Variants in PTPRD observed in about 807,000 individuals in gnomAD.
The protein encoded by PTPRD is receptor-type tyrosine-protein phosphatase delta.
Under a neutral mutation model 214.5 loss-of-function variants are expected in PTPRD, and 34 were observed. The ratio of observed to expected loss-of-function variants is 0.16; its 90% CI spans 0.12 to 0.21. PTPRD has a LOEUF of 0.21. Among genes scored for constraint, PTPRD ranks in the 10% least tolerant of loss-of-function variants. The pLI, the probability that PTPRD is intolerant of heterozygous loss-of-function variation, is 1.00. For synonymous variants in PTPRD, 1,128 were observed against 845.7 expected (o/e 1.33, Z -5.79); for missense variants, 2,545 against 2,398.7 (o/e 1.06, Z -1.27).
chr9:10,535,222 T>G (rs919094169), intron 2 of PTPRD, among the ~76,000 whole-genome samples: 1 of 152,240 alleles, frequency 6.6e-6, no homozygotes. Flanking sequence ...TGCTTTAATG[T>G]TGAATACTGG....
At chr9:9,497,277 A>T (rs2096237166) in intron 8 of PTPRD, among the ~76,000 whole-genome samples, 1 of 152,186 alleles carries the variant, frequency 6.6e-6, no homozygotes. Context: ...ACCTCAATTT[A>T]AAAAATAAAG....
At chr9:9,887,880 A>G (rs780016790) in intron 5 of PTPRD, among the ~76,000 whole-genome samples, 10 of 152,144 alleles carry the variant, frequency 6.6e-5, no homozygotes, top group Non-Finnish European at 1.2e-4. Context: ...AACAAATAAG[A>G]CAAATGTGTC....
intron 12 of PTPRD, among the ~76,000 whole-genome samples, chr9:8,698,211 C>G (rs566935044): frequency 6.6e-6 from 1 of 152,314 alleles, no homozygotes; most frequent in South Asian, 2.1e-4. Flanking sequence ...TGAATGCATA[C>G]TTATGCACTG....
intron 6 of PTPRD, among the ~76,000 whole-genome samples, chr9:9,750,074 T>A (rs2476584): frequency 6.6e-6 from 1 of 152,018 alleles, no homozygotes; most frequent in Non-Finnish European, 1.5e-5. Context: ...ATATGATTAA[T>A]GTAAAGCAGT....
intron 10 of PTPRD, chr9:9,091,103 T>G: frequency 1.4e-6 from 2 of 1,388,650 alleles, no homozygotes; most frequent in Non-Finnish European, 2.0e-6. Context: ...AAGCTGTATG[T>G]GAAGCTACAT....
chr9:9,807,700 T>C (rs1487022617), intron 5 of PTPRD, among the ~76,000 whole-genome samples: 2 of 152,206 alleles, frequency 1.3e-5, no homozygotes, highest in Non-Finnish European at 2.9e-5. Context: ...CTATTTCTAC[T>C]AGTGGTATTT....
chr9:9,294,038 T>C (rs545932683), intron 9 of PTPRD, among the ~76,000 whole-genome samples: 1 of 151,736 alleles, frequency 6.6e-6, no homozygotes, highest in Non-Finnish European at 1.5e-5. Context: ...CCTGTGATAC[T>C]GCCACAGTTG....
chr9:10,446,251 A>G (rs1041306442), intron 2 of PTPRD, among the ~76,000 whole-genome samples: 1 of 152,010 alleles, frequency 6.6e-6, no homozygotes, highest in African/African-American at 2.4e-5. Context: ...TTTTAAAAAT[A>G]TGTTGAGAGG....
At chr9:9,876,166 T>C (rs539162305) in intron 5 of PTPRD, among the ~76,000 whole-genome samples, 80 of 152,214 alleles carry the variant, frequency 5.3e-4, no homozygotes, top group African/African-American at 1.9e-3. Flanking sequence ...TGAGTTCCAA[T>C]GGTGAGTCAG....
chr9:8,917,118 T>C (rs1000500641), intron 11 of PTPRD, among the ~76,000 whole-genome samples: 1 of 147,004 alleles, frequency 6.8e-6, no homozygotes, highest in East Asian at 2.1e-4. Flanking sequence ...AGATTATTTC[T>C]TCTTCTTCTT....
chr9:9,167,129 C>A (rs993093076), intron 10 of PTPRD, among the ~76,000 whole-genome samples: 46 of 152,032 alleles, frequency 3.0e-4, no homozygotes, highest in East Asian at 1.7e-3. Context: ...CCAGGGAGCC[C>A]AAATCAGAAC....
chr9:9,059,415 T>TAA (rs1427708351), intron 10 of PTPRD, among the ~76,000 whole-genome samples: 3 of 152,028 alleles, frequency 2.0e-5, no homozygotes, highest in African/African-American at 7.2e-5. Flanking sequence ...AGAGGCCAGT[T>TAA]CAGGTTAAGG....
intron 2 of PTPRD, among the ~76,000 whole-genome samples, chr9:10,457,170 A>G (rs1381627692): frequency 6.6e-6 from 1 of 151,948 alleles, no homozygotes; most frequent in Non-Finnish European, 1.5e-5. Context: ...TTTCAGTAAC[A>G]GTTTATTGAA....
intron 11 of PTPRD, among the ~76,000 whole-genome samples, chr9:8,820,652 G>C (rs943999533): frequency 6.6e-6 from 1 of 151,870 alleles, no homozygotes. Flanking sequence ...TTCTGGCATG[G>C]TAATATTTTG....
At chr9:8,398,767 T>A (rs999087158) in intron 36 of PTPRD, among the ~76,000 whole-genome samples, 2 of 152,178 alleles carry the variant, frequency 1.3e-5, no homozygotes, top group African/African-American at 4.8e-5. Flanking sequence ...GTGGACAGAC[T>A]GGGCCCTCAC....
intron 11 of PTPRD, among the ~76,000 whole-genome samples, chr9:8,784,312 G>A (rs1315029371): frequency 6.6e-6 from 1 of 152,152 alleles, no homozygotes; most frequent in African/African-American, 2.4e-5. Context: ...AAGGTTCCCA[G>A]TTTTAAATAA....
chr9:8,813,508 C>A (rs2096858177), intron 11 of PTPRD, among the ~76,000 whole-genome samples: 1 of 152,128 alleles, frequency 6.6e-6, no homozygotes, highest in Admixed American at 6.5e-5. Flanking sequence ...GTACTTGTGA[C>A]TACAAGGCAC....
intron 3 of PTPRD, among the ~76,000 whole-genome samples, chr9:10,239,688 A>G (rs1279223080): frequency 7.8e-6 from 1 of 127,672 alleles, no homozygotes; most frequent in African/African-American, 2.6e-5. Context: ...AGGAAATATG[A>G]TAACTACTGA....
intron 8 of PTPRD, among the ~76,000 whole-genome samples, chr9:9,557,055 A>G (rs1481802482): frequency 6.6e-6 from 1 of 152,204 alleles, no homozygotes; most frequent in Non-Finnish European, 1.5e-5. Context: ...AGTGTGAGAG[A>G]TAACGTCCAT....
Sources: allele counts gnomAD v4.1 joint callset (sites outside exome capture counted in the v4.1 genomes callset), GRCh38; gene constraint gnomAD v4.1.1; transcripts MANE v1.5; gene names NCBI Gene and HGNC (gene_info 2026-07-23, HGNC 2026-07-21).